The following EDARADD variants were observed in gnomAD, a reference collection of about 807,000 sequenced individuals.
EDARADD encodes the protein ectodysplasin-A receptor-associated adapter protein.
A neutral mutation model predicts 25.6 loss-of-function variants in EDARADD; 20 were observed. The observed-to-expected ratio is 0.78, with a 90% CI of 0.55 to 1.14. The LOEUF (loss-of-function observed/expected upper bound fraction) is 1.14, where lower values mean the gene tolerates loss of function less well. EDARADD is among the 50% of genes most tolerant of loss of function. The pLI is 0.00. For missense variants in EDARADD, 225 were observed against 270.1 expected, an observed-to-expected ratio of 0.83 and a Z score of 1.17; for synonymous variants, 86 against 94.4, an observed-to-expected ratio of 0.91 and a Z score of 0.52.
chr1:236,464,720 A>G (rs1251606382), intron 4 of EDARADD, among the ~76,000 whole-genome samples: 1 of 151,962 alleles, frequency 6.6e-6, no homozygotes, highest in African/African-American at 2.4e-5. Flanking sequence ...GGCATGAGCC[A>G]CCGTGCCTGG....
upstream of EDARADD, among the ~76,000 whole-genome samples, chr1:236,392,239 T>A (rs1667434671): frequency 6.6e-6 from 1 of 152,214 alleles, no homozygotes; most frequent in Non-Finnish European, 1.5e-5. Flanking sequence ...AATAGGAGCT[T>A]CTCTCAATAA....
chr1:236,447,372 T>C (rs937368321), intron 4 of EDARADD, among the ~76,000 whole-genome samples: 1 of 151,950 alleles, frequency 6.6e-6, no homozygotes, highest in Non-Finnish European at 1.5e-5. Flanking sequence ...TTCTCCTGCC[T>C]CAGCATCCCC....
intron 3 of EDARADD, among the ~76,000 whole-genome samples, chr1:236,363,289 C>T (rs1005807197): frequency 6.6e-6 from 1 of 151,802 alleles, no homozygotes; most frequent in African/African-American, 2.4e-5. Context: ...AATCTCATGT[C>T]AAGTAGTAAT....
At chr1:236,353,698 A>AAAAAAG (rs71963407) in intron 3 of EDARADD, among the ~76,000 whole-genome samples, 1 of 144,920 alleles carries the variant, frequency 6.9e-6, no homozygotes, top group African/African-American at 2.6e-5. Context: ...AAAAAAAAAA[A>AAAAAAG]GATATTGGAC....
Position 236,355,111 on chromosome 1 carries a change from G to C in EDARADD, c.-6+4272G>C, listed in dbSNP as rs534561778. 9.2e-5 allele frequency among the ~76,000 whole-genome samples: 14 copies of C among 152,254 alleles called. No homozygotes were observed. In the East Asian group the frequency reaches 1.5e-3, roughly 17 times the overall value. Reference sequence around the variant, plus strand: ...CTTTCTACTGTTAAGCCATCCTGGTGGTCTTTTGGACCATACATCTCATAG... The same window carrying C: ...CTTTCTACTGTTAAGCCATCCTGGTCGTCTTTTGGACCATACATCTCATAG... On this transcript the variant is annotated intron_variant, in intron 3 of 7. Transcript: ENST00000439430.
In EDARADD at chr1:236,470,427, G is replaced by A. The variant is rs115240524; in HGVS notation, c.265+2151G>A. ...AACACCCTACACACTAATGTGGCAC[G>A]TTAGCTAAAATAAAAATAAATACAG... On this transcript the variant is annotated intron_variant, in intron 5 of 5. Transcript: ENST00000334232. 4.5e-3 allele frequency among the ~76,000 whole-genome samples: 678 copies of A among 152,204 alleles called. 6 individuals are homozygous for A. The highest frequency in any genetic ancestry group is 6.8e-3 in the Non-Finnish European group (461 of 68,024).
At chr1:236,473,531 A>T (rs1041020799) in intron 5 of EDARADD, among the ~76,000 whole-genome samples, 2 of 152,064 alleles carry the variant, frequency 1.3e-5, no homozygotes, top group Non-Finnish European at 2.9e-5. Flanking sequence ...TAATCCCAAC[A>T]ATTTGGGAAG....
intron 4 of EDARADD, among the ~76,000 whole-genome samples, chr1:236,431,266 G>A (rs895067508): frequency 2.7e-4 from 41 of 152,020 alleles, no homozygotes; most frequent in African/African-American, 9.9e-4. Context: ...GAGTGATGCC[G>A]AGGAAAAACA....
chr1:236,351,444 G>A (rs570499058), intron 3 of EDARADD, among the ~76,000 whole-genome samples: 2 of 152,270 alleles, frequency 1.3e-5, no homozygotes, highest in East Asian at 3.9e-4. Context: ...AGGAGGCTGG[G>A]CGCGGTGGCT....
At position 236,398,354 on chromosome 1, in the gene EDARADD, C is replaced by T. The variant is rs572688389; in HGVS notation, c.61+3849C>T. Among the ~76,000 whole-genome samples, 1 of 152,268 alleles carries T rather than the reference C, an allele frequency of 6.6e-6. No homozygotes were observed. Among genetic ancestry groups the T allele is most frequent in the South Asian group, 2.1e-4 (1 of 4,820 alleles). ...TCAAGTGATCCACCCACCTCGGCCTCCCAGAGTGCTGGGATTACTGGTGTG... is the reference window on the plus strand; with the variant it reads ...TCAAGTGATCCACCCACCTCGGCCTTCCAGAGTGCTGGGATTACTGGTGTG... On this transcript the variant is annotated intron_variant, in intron 1 of 5. Transcript: ENST00000334232. The surrounding 1 kb of genome is among the most constrained non-coding windows in gnomAD (Gnocchi z 4.1).
chr1:236,450,705 C>T (rs1658688488), intron 4 of EDARADD, among the ~76,000 whole-genome samples: 1 of 152,066 alleles, frequency 6.6e-6, no homozygotes, highest in Non-Finnish European at 1.5e-5. Flanking sequence ...TCTGCCACCA[C>T]ACCTAGCTAA....
At chr1:236,432,168 C>T (rs1018888854) in intron 4 of EDARADD, among the ~76,000 whole-genome samples, 58 of 152,164 alleles carry the variant, frequency 3.8e-4, no homozygotes, top group African/African-American at 1.0e-3. Context: ...CAGCTGGGTA[C>T]GGAGGCTCAC....
At chr1:236,393,391 C>CTTTCTTTTTTTTTTT (rs1553264552), upstream of EDARADD, among the ~76,000 whole-genome samples, 1 of 87,202 alleles carries the variant, frequency 1.1e-5, no homozygotes, top group African/African-American at 5.2e-5. Flanking sequence ...TTCTTTCTTT[C>CTTTCTTTTTTTTTTT]TTTTTTTTTT....
intron 3 of EDARADD, among the ~76,000 whole-genome samples, chr1:236,427,150 AAAAT>A (rs1657943005): frequency 6.6e-6 from 1 of 152,202 alleles, no homozygotes; most frequent in Middle Eastern, 3.2e-3. Context: ...TTATTTTAAA[AAAAT>A]AAATAAAAAA....
Position 236,483,360 on chromosome 1 carries a change from G to T in EDARADD, c.*711G>T. 1 of 1,532,128 alleles carries T rather than the reference G, an allele frequency of 6.5e-7. No homozygotes were observed. Among genetic ancestry groups the T allele is most frequent in the Non-Finnish European group, 9.0e-7 (1 of 1,108,300 alleles). The allele number at this position is 1,532,128 out of a possible 1,614,324, so 94.9% of individuals were successfully genotyped here. ...TATGGGGAAGGGTGTCTCAAAGCCT[G>T]TTGAGCCCATCAATAAAACTATTGC... is the stretch of plus-strand genomic sequence containing the variant. On this transcript the variant is annotated 3_prime_UTR_variant, in exon 6 of 6. Transcript: ENST00000334232.
chr1:236,440,417 G>A (rs1343063093), intron 4 of EDARADD, among the ~76,000 whole-genome samples: 2 of 152,104 alleles, frequency 1.3e-5, no homozygotes, highest in African/African-American at 4.8e-5. Flanking sequence ...AACTTGCTGG[G>A]ATTATGATTG....
chr1:236,403,924 A>G (rs1176412954), intron 1 of EDARADD, among the ~76,000 whole-genome samples: 1 of 152,186 alleles, frequency 6.6e-6, no homozygotes, highest in Admixed American at 6.5e-5. Flanking sequence ...CGGCAGAGAT[A>G]TCCCCAGCAG....
intron 5 of EDARADD, among the ~76,000 whole-genome samples, chr1:236,478,832 C>T (rs937494416): frequency 3.3e-5 from 5 of 152,186 alleles, no homozygotes; most frequent in Admixed American, 6.5e-5. Context: ...ATGATCCACC[C>T]GCCTCGGCCT....
At chr1:236,454,815 A>T (rs1253620) in intron 4 of EDARADD, among the ~76,000 whole-genome samples, 53,473 of 152,044 alleles carry the variant, frequency 0.35, 9,684 homozygotes, top group East Asian at 0.45. Flanking sequence ...CTAGGGAGAT[A>T]TAGACTTTTC....
Sources: gnomAD v4.1 joint callset for allele counts (sites outside exome capture counted in the v4.1 genomes callset) on GRCh38, gnomAD v4.1.1 for gene constraint, Gnocchi (gnomAD v3.1) non-coding constraint, MANE v1.5 for transcripts, NCBI Gene and HGNC (gene_info 2026-07-23, HGNC 2026-07-21) for gene names.